INSIG2: variants seen among roughly 807,000 people sequenced by gnomAD.
INSIG2 encodes the protein insulin induced gene 2.
INSIG2 carries 10 observed loss-of-function variants against 27.2 expected under a neutral mutation model. That is an observed-to-expected ratio of 0.37 (90% CI 0.23 to 0.62). The LOEUF is 0.62. Among genes scored for constraint, INSIG2 ranks in the 20% least tolerant of loss-of-function variants. INSIG2 has a pLI of 0.65. For missense variants in INSIG2, 178 were observed against 270.2 expected, an observed-to-expected ratio of 0.66 and a Z score of 2.39; for synonymous variants, 97 against 95.8, an observed-to-expected ratio of 1.01 and a Z score of -0.07.
intron 1 of INSIG2, among the ~76,000 whole-genome samples, chr2:118,094,265 A>ATGATGAAGGAGAGTTCTG (rs1678352846): frequency 6.7e-6 from 1 of 148,512 alleles, no homozygotes; most frequent in African/African-American, 2.5e-5. Flanking sequence ...GATGATGATG[A>ATGATGAAGGAGAGTTCTG]TGAAGGAGAG....
intron 1 of INSIG2, among the ~76,000 whole-genome samples, chr2:118,094,751 A>G (rs1290895266): frequency 6.6e-6 from 1 of 152,174 alleles, no homozygotes; most frequent in Non-Finnish European, 1.5e-5. Context: ...TGTGGAGGTT[A>G]CTAGTACTTA....
At chr2:118,099,404 C>T (rs902728644) in intron 2 of INSIG2, among the ~76,000 whole-genome samples, 1 of 152,164 alleles carries the variant, frequency 6.6e-6, no homozygotes, top group South Asian at 2.1e-4. Context: ...AGTGGTGGTT[C>T]TGGTGGGACA....
chr2:118,104,428 A>G (rs1678624449), intron 3 of INSIG2, among the ~76,000 whole-genome samples: 1 of 152,186 alleles, frequency 6.6e-6, no homozygotes, highest in Admixed American at 6.5e-5. Context: ...GAAGTCCCTC[A>G]GTGGCTATTA....
chr2:118,095,247 T>A (rs983269192), intron 1 of INSIG2, among the ~76,000 whole-genome samples: 1 of 152,334 alleles, frequency 6.6e-6, no homozygotes, highest in Non-Finnish European at 1.5e-5. Flanking sequence ...TAAAAGTAAA[T>A]TACCTGTGTA....
At chr2:118,107,005 TA>T in intron 4 of INSIG2, 84 bp from the exon 5 acceptor site, 1 of 1,484,576 alleles carries the variant, frequency 6.7e-7, no homozygotes, top group Non-Finnish European at 9.4e-7. Flanking sequence ...CAGTTTAATC[TA>T]CAGAGTAGTT....
chr2:118,108,213 T>A, intron 5 of INSIG2, 68 bp from the exon 6 acceptor site: 1 of 1,029,320 alleles, frequency 9.7e-7, no homozygotes, highest in Non-Finnish European at 1.5e-6. Flanking sequence ...AGCTTTTCAG[T>A]TTATTTGGAA....
chr2:118,089,670 T>C (rs567798060), intron 1 of INSIG2, among the ~76,000 whole-genome samples: 1 of 152,226 alleles, frequency 6.6e-6, no homozygotes, highest in Non-Finnish European at 1.5e-5. Context: ...CATTGTGTTA[T>C]GTCGTAGTTC....
At chr2:118,099,904 CTCAGCCCCCTTGTA>C (rs2104531253) in intron 2 of INSIG2, among the ~76,000 whole-genome samples, 1 of 152,284 alleles carries the variant, frequency 6.6e-6, no homozygotes, top group Non-Finnish European at 1.5e-5. Context: ...CCACCCTTTT[CTCAGCCCCCTTGTA>C]TGGTACCCTC....
Position 118,108,539 on chromosome 2 carries a change from T to C in INSIG2, c.*217T>C, listed in dbSNP as rs1232307997. 1 of 414,598 alleles carries C rather than the reference T, an allele frequency of 2.4e-6. No individual in the cohort carries two copies. The highest frequency in any genetic ancestry group is 4.4e-6 in the Non-Finnish European group (1 of 229,734). 25.7% of individuals were successfully genotyped at this position (414,598 alleles called of 1,614,324 possible). ...AAATCAGTTGTAAACCTTTACATAT[T>C]TGACTTAAATAACTGTAAGATATAT... On this transcript the variant is annotated 3_prime_UTR_variant, in exon 6 of 6. Transcript: ENST00000245787.
Position 118,094,233 on chromosome 2 carries a change from A to AGATGATGATGATGAT in INSIG2, c.-138-2165_-138-2151dup, listed in dbSNP as rs70949910. The stretch of plus-strand genomic sequence containing the variant: ...CTACTGAACCTTGCCAAAAGCAACC[A>AGATGATGATGATGAT]GATGATGATGATGATGATGATGATG... On this transcript the variant is annotated intron_variant, in intron 1 of 5. Coordinates refer to ENST00000245787, the MANE Select transcript of INSIG2 (RefSeq NM_016133.4). Among the ~76,000 whole-genome samples the AGATGATGATGATGAT allele has an allele frequency of 8.0e-4, 79 of 98,456 alleles. 1 individual carries two copies. Among genetic ancestry groups the AGATGATGATGATGAT allele is most frequent in the Non-Finnish European group, 1.2e-3 (57 of 47,908 alleles). The allele number at this position is 98,456 out of a possible 152,430, so 64.6% of individuals were successfully genotyped here.
At chr2:118,088,684 C>CCA (rs1179630197) in intron 1 of INSIG2, 143 bp downstream of exon 1, 2 of 153,200 alleles carry the variant, frequency 1.3e-5, no homozygotes, top group African/African-American at 4.8e-5. Context: ...GAGCCAGGAC[C>CCA]ACTGATGGGC....
chr2:118,104,976 G>A (rs1301662745), intron 3 of INSIG2, among the ~76,000 whole-genome samples: 5 of 152,254 alleles, frequency 3.3e-5, no homozygotes, highest in South Asian at 2.1e-4. Context: ...AGTCCAACAT[G>A]TTTACCAAAT....
chr2:118,106,604 A>G (rs1678677849), intron 3 of INSIG2, 133 bp from the exon 4 acceptor site: 1 of 662,604 alleles, frequency 1.5e-6, no homozygotes, highest in Admixed American at 2.8e-5. Context: ...CATACATTGT[A>G]CTAAGAGACT....
At chr2:118,108,251 G>GT in intron 5 of INSIG2, 30 bp from the exon 6 acceptor site, 1 of 1,517,726 alleles carries the variant, frequency 6.6e-7, no homozygotes, top group Non-Finnish European at 9.0e-7. Context: ...GTCTTAATCT[G>GT]TTAACCTTTT....
intron 2 of INSIG2, among the ~76,000 whole-genome samples, chr2:118,101,122 A>T (rs1168891931): frequency 2.6e-5 from 4 of 152,212 alleles, no homozygotes; most frequent in African/African-American, 9.7e-5. Flanking sequence ...AAAGAGGCCC[A>T]GACATACTCT....
At chr2:118,088,746 G>T (rs1334529377) in intron 1 of INSIG2, 1 of 152,500 alleles carries the variant, frequency 6.6e-6, no homozygotes, top group Non-Finnish European at 1.5e-5. Context: ...AGGTCCAGAA[G>T]GGGACTGCGG....
intron 5 of INSIG2, 102 bp from the exon 6 acceptor site, chr2:118,108,179 T>C (rs953968705): frequency 2.9e-6 from 2 of 700,518 alleles, no homozygotes; most frequent in African/African-American, 1.9e-5. Flanking sequence ...AATGGGCACA[T>C]AGTAATAAAA....
In INSIG2 at chr2:118,109,203, G is replaced by A. The variant is rs1273139966; in HGVS notation, c.*881G>A. The A allele has an allele frequency of 2.0e-5, 3 of 152,178 alleles. No individual in the cohort carries two copies. Among genetic ancestry groups the A allele is most frequent in the African/African-American group, 4.8e-5 (2 of 41,440 alleles). 9.4% of individuals were successfully genotyped at this position (152,178 alleles called of 1,614,324 possible). On this transcript the variant is annotated 3_prime_UTR_variant, in exon 6 of 6. Transcript: ENST00000245787. ...GAATCTCATTGCTTTTGCACATGGA[G>A]CATATAGGAAACTCCAAACAGATCA...
chr2:118,097,233 G>A (rs1349464008), intron 2 of INSIG2, among the ~76,000 whole-genome samples: 1 of 152,068 alleles, frequency 6.6e-6, no homozygotes, highest in Non-Finnish European at 1.5e-5. Context: ...TTTCCCTTAG[G>A]GATGAAGCAT....
Sources: allele counts gnomAD v4.1 joint callset (sites outside exome capture counted in the v4.1 genomes callset), GRCh38; gene constraint gnomAD v4.1.1; transcripts MANE v1.5; gene names NCBI Gene and HGNC (gene_info 2026-07-23, HGNC 2026-07-21).